Variants in SLCO1B3 observed in about 807,000 individuals in gnomAD.
The protein encoded by SLCO1B3 is liver-specific organic anion transporter 2.
SLCO1B3 carries 72 observed loss-of-function variants against 71.8 expected under a neutral mutation model. That is an observed-to-expected ratio of 1.00 (90% CI 0.83 to 1.22). SLCO1B3 has a LOEUF of 1.22. Ranked by LOEUF, SLCO1B3 falls within the 50% of genes most tolerant of loss-of-function variation. The pLI, the probability that SLCO1B3 is intolerant of heterozygous loss-of-function variation, is 0.00. For missense variants in SLCO1B3, 911 were observed against 819.7 expected (o/e 1.11, Z -1.36); for synonymous variants, 298 against 278.4 (o/e 1.07, Z -0.70).
intron 8 of SLCO1B3, among the ~76,000 whole-genome samples, chr12:20,866,434 A>G (rs1202263687): frequency 6.8e-6 from 1 of 146,974 alleles, no homozygotes. Flanking sequence ...CAAGATTGCT[A>G]TCAGAAAGGC....
intron 15 of SLCO1B3, among the ~76,000 whole-genome samples, chr12:20,909,140 G>A (rs1866314081): frequency 6.6e-6 from 1 of 150,496 alleles, no homozygotes; most frequent in Admixed American, 6.6e-5. Context: ...TTTCCTTGAT[G>A]ACATAAGATG....
At chr12:20,908,122 A>G (rs1475044643) in intron 15 of SLCO1B3, among the ~76,000 whole-genome samples, 1 of 152,220 alleles carries the variant, frequency 6.6e-6, no homozygotes, top group Non-Finnish European at 1.5e-5. Context: ...TGAAAAGTGG[A>G]ATTTTAAAGT....
At chr12:20,912,440 T>C (rs1489508200) in intron 15 of SLCO1B3, among the ~76,000 whole-genome samples, 1 of 150,894 alleles carries the variant, frequency 6.6e-6, no homozygotes, top group East Asian at 1.9e-4. Context: ...ACAATTCTCG[T>C]GTCTTGGCCT....
intron 3 of SLCO1B3, among the ~76,000 whole-genome samples, chr12:20,826,449 G>A (rs1864423823): frequency 6.6e-6 from 1 of 151,884 alleles, no homozygotes. Flanking sequence ...AGAAAATGTT[G>A]TTCTAACCAA....
At chr12:20,818,954 T>A (rs558482064) in intron 3 of SLCO1B3, among the ~76,000 whole-genome samples, 1 of 152,194 alleles carries the variant, frequency 6.6e-6, no homozygotes, top group Non-Finnish European at 1.5e-5. Context: ...TGAGTACAGC[T>A]GAAGGAGCCA....
intron 10 of SLCO1B3, among the ~76,000 whole-genome samples, chr12:20,878,460 T>A (rs906640683): frequency 6.6e-6 from 1 of 152,148 alleles, no homozygotes; most frequent in African/African-American, 2.4e-5. Flanking sequence ...ATTTTCAAAG[T>A]CATATTGAGA....
intron 3 of SLCO1B3, among the ~76,000 whole-genome samples, chr12:20,841,672 C>T (rs560794019): frequency 6.6e-6 from 1 of 152,110 alleles, no homozygotes; most frequent in Non-Finnish European, 1.5e-5. Flanking sequence ...TATTTCAGCA[C>T]TCAGATAATA....
intron 8 of SLCO1B3, among the ~76,000 whole-genome samples, chr12:20,865,871 T>G (rs1209282267): frequency 6.6e-6 from 1 of 152,138 alleles, no homozygotes. Flanking sequence ...AAATCATGAC[T>G]GCATAAAATT....
At chr12:20,871,538 T>G (rs1461644571) in intron 8 of SLCO1B3, among the ~76,000 whole-genome samples, 1 of 152,174 alleles carries the variant, frequency 6.6e-6, no homozygotes, top group African/African-American at 2.4e-5. Context: ...GGTTTGTTTT[T>G]GCCTATCCTT....
chr12:20,915,261 T>TA (rs1402642902), intron 15 of SLCO1B3, among the ~76,000 whole-genome samples: 1 of 152,160 alleles, frequency 6.6e-6, no homozygotes, highest in Non-Finnish European at 1.5e-5. Flanking sequence ...CTCTATCTAA[T>TA]AATAAATCCA....
chr12:20,885,615 G>C (rs1865779536), intron 13 of SLCO1B3, among the ~76,000 whole-genome samples: 3 of 151,876 alleles, frequency 2.0e-5, no homozygotes, highest in Non-Finnish European at 2.9e-5. Flanking sequence ...TAAATGAAAA[G>C]ATGAAGAGAG....
intron 8 of SLCO1B3, among the ~76,000 whole-genome samples, chr12:20,868,704 C>T (rs1311536029): frequency 2.0e-5 from 3 of 152,026 alleles, no homozygotes; most frequent in Non-Finnish European, 2.9e-5. Flanking sequence ...GGACCACTAC[C>T]ACCAATGCAC....
intron 5 of SLCO1B3, 141 bp from the exon 6 acceptor site, chr12:20,860,876 G>T: frequency 1.2e-6 from 1 of 828,500 alleles, no homozygotes. Context: ...TGAAATACAT[G>T]CTGGGAAGTT....
At chr12:20,866,826 G>A (rs1865382118) in intron 8 of SLCO1B3, among the ~76,000 whole-genome samples, 1 of 152,084 alleles carries the variant, frequency 6.6e-6, no homozygotes, top group Non-Finnish European at 1.5e-5. Flanking sequence ...GATGTTCTGT[G>A]CAAATGCAGT....
chr12:20,857,728 C>T (rs565435458), intron 4 of SLCO1B3, among the ~76,000 whole-genome samples: 1 of 151,868 alleles, frequency 6.6e-6, no homozygotes, highest in African/African-American at 2.4e-5. Context: ...CATTCTGGTG[C>T]TTTCTTTCGT....
intron 3 of SLCO1B3, among the ~76,000 whole-genome samples, chr12:20,850,173 T>A (rs1476891299): frequency 6.6e-6 from 1 of 151,148 alleles, no homozygotes; most frequent in Non-Finnish European, 1.5e-5. Flanking sequence ...TATTTTAACT[T>A]CAGGGGTACA....
intron 3 of SLCO1B3, among the ~76,000 whole-genome samples, chr12:20,830,588 G>A (rs1864519389): frequency 6.6e-6 from 1 of 152,154 alleles, no homozygotes; most frequent in African/African-American, 2.4e-5. Flanking sequence ...TACCTGCTTA[G>A]GAACAAAAGA....
At chr12:20,836,054 T>A (rs1864673894) in intron 3 of SLCO1B3, among the ~76,000 whole-genome samples, 1 of 151,902 alleles carries the variant, frequency 6.6e-6, no homozygotes, top group Admixed American at 6.6e-5. Flanking sequence ...GGCAGAAGAG[T>A]GTGTACAGGA....
Position 20,880,870 on chromosome 12 carries a change from A to G in SLCO1B3, c.1347A>G (p.Ala449=), listed in dbSNP as rs79382866. 4.8e-3 allele frequency: 7,667 copies of G among 1,593,302 alleles called. 46 individuals carry two copies. The highest frequency in any genetic ancestry group is 5.4e-3 in the Non-Finnish European group (6,264 of 1,168,218). ...TLTYDGNNSV[A]SHVDVPLSYC... ...ATATTTTCAGAAATAATTCAGTGGC[A>G]TCTCATGTAGATGTACCACTTTCTT... Residue 449 remains alanine, a synonymous_variant, in exon 12 of 16, where the codon GCA becomes GCG. Coordinates refer to ENST00000381545, the MANE Select transcript of SLCO1B3 (RefSeq NM_019844.4).
Sources: gnomAD v4.1 joint callset for allele counts (sites outside exome capture counted in the v4.1 genomes callset) on GRCh38, gnomAD v4.1.1 for gene constraint, MANE v1.5 for transcripts, NCBI Gene and HGNC (gene_info 2026-07-23, HGNC 2026-07-21) for gene names.